CHAD: variants seen among roughly 807,000 people sequenced by gnomAD.
CHAD encodes cartilage leucine-rich protein.
In CHAD, 18 loss-of-function variants were observed where a neutral mutation model predicts 24.0. The observed-to-expected ratio is 0.75, with a 90% CI of 0.52 to 1.11. The LOEUF is 1.11. Ranked by LOEUF, CHAD falls within the 50% of genes most tolerant of loss-of-function variation. The probability of loss-of-function intolerance (pLI) is 0.00; values close to 1 mark genes in which losing one functional copy is unlikely to be tolerated. For missense variants in CHAD, 440 were observed against 467.2 expected (o/e 0.94, Z 0.54); for synonymous variants, 195 against 211.6 (o/e 0.92, Z 0.68).
rs1240216270 is a variant in CHAD, at chr17:50,465,980, T to C, written c.775-110A>G. On this transcript the variant is annotated intron_variant, in intron 1 of 3. Coordinates refer to ENST00000508540, the MANE Select transcript of CHAD (RefSeq NM_001267.3). Reference sequence around the variant, plus strand: ...TTCCCTGAACCTGAGCCATAGCACTTTGAGGAGTTTCCCAGTTTTCAAAGC... The same window carrying C: ...TTCCCTGAACCTGAGCCATAGCACTCTGAGGAGTTTCCCAGTTTTCAAAGC... 3 of 1,219,592 alleles carry C rather than the reference T, an allele frequency of 2.5e-6. No homozygotes were observed. The East Asian group carries it at 7.0e-5, about 29-fold the overall frequency. 75.5% of individuals were successfully genotyped at this position (1,219,592 alleles called of 1,614,324 possible). A position where few individuals can be genotyped will look rare whatever the true frequency, so the allele number is the denominator to read the frequency against.
chr17:50,465,302 TGGC>T lies in CHAD; in HGVS notation c.1073_1075del (p.Arg358del). On this transcript the variant is annotated inframe_deletion, in exon 3 of 4. Transcript: ENST00000508540. ...GTTTACCTGGCCCCCACCTGTTTAA[TGGC>T]GGCCAGCTTTCTTGGACCTCTTGGT... 6.2e-7 allele frequency: 1 copy of T among 1,613,962 alleles called. No individual in the cohort carries two copies. Among genetic ancestry groups the T allele is most frequent in the Admixed American group, 1.7e-5 (1 of 59,998 alleles).
chr17:50,465,934 A>T, intron 1 of CHAD, 64 bp from the exon 2 acceptor site: 3 of 1,586,704 alleles, frequency 1.9e-6, no homozygotes, highest in Non-Finnish European at 2.6e-6. Context: ...TAAGCACCCG[A>T]GTGCCAGAGG....
Position 50,468,056 on chromosome 17 carries a change from T to G in CHAD, c.758A>C (p.Asn253Thr), listed in dbSNP as rs917798730. The change falls in exon 1 of 4, where the codon AAC (asparagine) becomes ACC (threonine). Residue 253 changes from asparagine to threonine, a missense_variant. Coordinates refer to ENST00000508540, the MANE Select transcript of CHAD (RefSeq NM_001267.3). ...GGAGCTCACCTTCTCCAGGTTGGTG[T>G]TGTCCAGCCAGAGGGTCTCCAGGTA... is the stretch of plus-strand genomic sequence containing the variant. ...GRYLETLWLD[N>T]TNLEKFSDGA... 2 of 1,595,622 alleles carry G rather than the reference T, an allele frequency of 1.3e-6. No individual in the cohort carries two copies. The highest frequency in any genetic ancestry group is 1.3e-5 in the African/African-American group (1 of 74,740).
At chr17:50,466,134 T>C (rs1278375606) in intron 1 of CHAD, among the ~76,000 whole-genome samples, 2 of 148,738 alleles carry the variant, frequency 1.3e-5, no homozygotes, top group African/African-American at 5.0e-5. Flanking sequence ...TTGCCCAGGC[T>C]GGAGCACAGT....
chr17:50,468,798 G>A lies in CHAD; in HGVS notation c.16C>T (p.Leu6Phe). ...GCCAGGAGGCCGAGGCTGAGCAAGAGCATTGGGCGGACCATGGCTGGGACG... is the reference window on the plus strand; with the variant it reads ...GCCAGGAGGCCGAGGCTGAGCAAGAACATTGGGCGGACCATGGCTGGGACG... MVRPMLLLSLGLLAGL... is the reference protein window; with the variant it reads MVRPMFLLSLGLLAGL... The change falls in exon 1 of 4, where the codon CTC becomes TTC. Residue 6 changes from leucine (L) to phenylalanine (F), a missense_variant. Leu to Phe is a conservative substitution (Grantham distance 22). Transcript: ENST00000508540. The A allele has an allele frequency of 1.3e-6, 2 of 1,549,390 alleles. No homozygotes were observed. The highest frequency in any genetic ancestry group is 1.7e-6 in the Non-Finnish European group (2 of 1,153,066).
intron 1 of CHAD, 78 bp downstream of exon 1, chr17:50,467,962 G>A: frequency 1.4e-6 from 2 of 1,446,124 alleles, no homozygotes; most frequent in Non-Finnish European, 1.9e-6. Flanking sequence ...GGGGGATGGT[G>A]CCAGCTGTGG....
rs778584517 is a variant in CHAD, at chr17:50,468,027, G to A, written c.774+13C>T. The A allele has an allele frequency of 6.4e-7, 1 of 1,568,212 alleles. No homozygotes were observed. The highest frequency in any genetic ancestry group is 2.3e-5 in the East Asian group (1 of 44,230). ...AGAAGGAACCAGGGCAGAGCCCACA[G>A]CCAGGAGCTCACCTTCTCCAGGTTG... On this transcript the variant is annotated intron_variant, in intron 1 of 3. Coordinates refer to ENST00000508540, the MANE Select transcript of CHAD (RefSeq NM_001267.3).
In CHAD at chr17:50,468,266, A is replaced by G; in HGVS notation, c.548T>C (p.Leu183Ser). Residue 183 changes from leucine (L) to serine (S), a missense_variant, in exon 1 of 4, where the codon TTG becomes TCG. Physicochemically the swap from Leu to Ser is moderately radical, Grantham distance 145. Transcript: ENST00000508540. The stretch of plus-strand genomic sequence containing the variant: ...CAGGGCCCCGGGCTGCAGGGAGCTC[A>G]ACGCGTTTTCCGACAGGTAGAGCCA... ...LRWLYLSENALSSLQPGALDD... is the reference protein window; with the variant it reads ...LRWLYLSENASSSLQPGALDD... 2 of 1,611,352 alleles carry G rather than the reference A, an allele frequency of 1.2e-6. No individual in the cohort carries two copies. Among genetic ancestry groups the G allele is most frequent in the Non-Finnish European group, 8.5e-7 (1 of 1,177,742 alleles).
chr17:50,468,810 C>T lies in CHAD; in HGVS notation c.4G>A (p.Val2Ile). ...AGGCTGAGCAAGAGCATTGGGCGGA[C>T]CATGGCTGGGACGCCTGGGGCCGGG... MVRPMLLLSLGL... is the reference protein window; with the variant it reads MIRPMLLLSLGL... Residue 2 changes from valine (V) to isoleucine (I), a missense_variant, in exon 1 of 4, where the codon GTC (valine) becomes ATC (isoleucine). Val to Ile is a conservative substitution (Grantham distance 29). Transcript: ENST00000508540. 1 of 1,531,516 alleles carries T rather than the reference C, an allele frequency of 6.5e-7. No homozygotes were observed. The highest frequency in any genetic ancestry group is 8.7e-7 in the Non-Finnish European group (1 of 1,143,730). 94.9% of individuals were successfully genotyped at this position (1,531,516 alleles called of 1,614,324 possible).
In CHAD at chr17:50,468,691, C is replaced by T; in HGVS notation, c.123G>A (p.Val41=). 2 of 1,613,738 alleles carry T rather than the reference C, an allele frequency of 1.2e-6. No homozygotes were observed. Among genetic ancestry groups the T allele is most frequent in the Non-Finnish European group, 1.7e-6 (2 of 1,180,034 alleles). The change falls in exon 1 of 4, where the codon GTG becomes GTA. Residue 41 remains valine, a synonymous_variant. Transcript: ENST00000508540. ...ACACCTTGGGGATCTTCTGCAGCCC[C>T]ACCTTGTCGCAGATGACGTGCTGCA... ...SDLQHVICDK[V]GLQKIPKVSE...
Position 50,468,398 on chromosome 17 carries a change from G to A in CHAD, c.416C>T (p.Pro139Leu). Residue 139 changes from proline to leucine, a missense_variant, in exon 1 of 4, where the codon CCC (proline) becomes CTC (leucine). Pro to Leu is a moderately conservative substitution (Grantham distance 98). Transcript: ENST00000508540. Reference sequence around the variant, plus strand: ...GACCAGCGGGGAGAGCAACCCCCGGGGCAGCTCAGTGACCTTGTTGTGGTC... The same window carrying A: ...GACCAGCGGGGAGAGCAACCCCCGGAGCAGCTCAGTGACCTTGTTGTGGTC... ...YLDHNKVTELPRGLLSPLVNL... is the reference protein window; with the variant it reads ...YLDHNKVTELLRGLLSPLVNL... The A allele has an allele frequency of 6.2e-7, 1 of 1,614,202 alleles. No homozygotes were observed.
In CHAD at chr17:50,465,370, G is replaced by A. The variant is rs1448640502; in HGVS notation, c.1008C>T (p.His336=). The A allele has an allele frequency of 6.2e-7, 1 of 1,614,114 alleles. No individual in the cohort carries two copies. Among genetic ancestry groups the A allele is most frequent in the Non-Finnish European group, 8.5e-7 (1 of 1,180,036 alleles). The change falls in exon 3 of 4, where the codon CAC becomes CAT. Residue 336 remains histidine (H), a synonymous_variant. Transcript: ENST00000508540. The part of the protein sequence containing the change: ...CASPAKFKGQ[H]IRDTDAFRSC... ...TGCGGAAGGCGTCCGTGTCACGGAT[G>A]TGCTGGCCCTTGAACTTGGCAGGTG...
In CHAD at chr17:50,468,448, C is replaced by T; in HGVS notation, c.366G>A (p.Leu122=). ...RVLRAGAFDD[L]TELTYLYLDH... is the part of the protein sequence containing the mutation. Reference sequence around the variant, plus strand: ...CCAGGTAGAGGTAGGTCAGCTCGGTCAGGTCGTCGAAGGCACCTGCGCGCA... The same window carrying T: ...CCAGGTAGAGGTAGGTCAGCTCGGTTAGGTCGTCGAAGGCACCTGCGCGCA... Residue 122 remains leucine, a synonymous_variant, in exon 1 of 4, where the codon CTG becomes CTA. Transcript: ENST00000508540. 1 of 1,614,050 alleles carries T rather than the reference C, an allele frequency of 6.2e-7. No individual in the cohort carries two copies. The highest frequency in any genetic ancestry group is 8.5e-7 in the Non-Finnish European group (1 of 1,179,978).
Position 50,465,388 on chromosome 17 carries a change from G to A in CHAD, c.990C>T (p.Ala330=). Residue 330 remains alanine, a synonymous_variant, in exon 3 of 4, where the codon GCC becomes GCT. Coordinates refer to ENST00000508540, the MANE Select transcript of CHAD (RefSeq NM_001267.3). ...SRPDATCASP[A]KFKGQHIRDT... ...CACGGATGTGCTGGCCCTTGAACTTGGCAGGTGAGGCACAGGTGGCATCTG... is the reference window on the plus strand; with the variant it reads ...CACGGATGTGCTGGCCCTTGAACTTAGCAGGTGAGGCACAGGTGGCATCTG... The A allele has an allele frequency of 6.2e-7, 1 of 1,614,032 alleles. No individual in the cohort carries two copies. Among genetic ancestry groups the A allele is most frequent in the Non-Finnish European group, 8.5e-7 (1 of 1,180,024 alleles).
In CHAD at chr17:50,465,402, A is replaced by T; in HGVS notation, c.976T>A (p.Cys326Ser). ...CCCTTGAACTTGGCAGGTGAGGCAC[A>T]GGTGGCATCTGGGCGGGAGGCCTTG... is the stretch of plus-strand genomic sequence containing the variant. ...EAKASRPDAT[C>S]ASPAKFKGQH... The change falls in exon 3 of 4, where the codon TGT becomes AGT. Residue 326 changes from cysteine to serine, a missense_variant. Cys to Ser is a moderately radical substitution (Grantham distance 112, BLOSUM62 -1). Transcript: ENST00000508540. 6.2e-7 allele frequency: 1 copy of T among 1,614,058 alleles called. No homozygotes were observed. Among genetic ancestry groups the T allele is most frequent in the South Asian group, 1.1e-5 (1 of 91,060 alleles).
At position 50,465,710 on chromosome 17, in the gene CHAD, C is replaced by T. The variant is rs35218093; in HGVS notation, c.935G>A (p.Arg312Gln). 8 of 1,612,990 alleles carry T rather than the reference C, an allele frequency of 5.0e-6. No homozygotes were observed. In the East Asian group the frequency reaches 8.9e-5, roughly 18 times the overall value. ...AGTGACATGGAAGTGTTCTTACCGC[C>T]GAAGGCCCCGGAGCTGGCAGGTACA... ...WKCTCQLRGL[R>Q]RWLEAKASRP... is the part of the protein sequence containing the mutation. The change falls in exon 2 of 4, where the codon CGG becomes CAG. Residue 312 changes from arginine (R) to glutamine (Q), a missense_variant. Transcript: ENST00000508540.
At chr17:50,465,941 G>A in intron 1 of CHAD, 71 bp from the exon 2 acceptor site, 1 of 1,566,830 alleles carries the variant, frequency 6.4e-7, no homozygotes, top group Non-Finnish European at 8.7e-7. Context: ...CCGAGTGCCA[G>A]AGGGGCAGGA....
Position 50,464,994 on chromosome 17 carries a change from A to C in CHAD, c.*60T>G. The C allele has an allele frequency of 2.4e-6, 1 of 418,586 alleles. No homozygotes were observed. The highest frequency in any genetic ancestry group is 4.4e-6 in the Non-Finnish European group (1 of 225,130). The allele number at this position is 418,586 out of a possible 1,614,324, so 25.9% of individuals were successfully genotyped here. On this transcript the variant is annotated 3_prime_UTR_variant, in exon 4 of 4. Transcript: ENST00000508540. ...AGGTATGGGTGGAGGTGAGAAGGTC[A>C]GTAGTCTCTCCGGTGGAAGGCAGAG...
rs144030994 is a variant in CHAD at position 50,465,353 on chromosome 17, G to T, written c.1025C>A (p.Ala342Asp). The change falls in exon 3 of 4, where the codon GCC (alanine) becomes GAC (aspartate). Residue 342 changes from alanine to aspartate, a missense_variant. Coordinates refer to ENST00000508540, the MANE Select transcript of CHAD (RefSeq NM_001267.3). ...FKGQHIRDTD[A>D]FRSCKFPTKR... ...GGTGGGGAACTTGCAGCTGCGGAAG[G>T]CGTCCGTGTCACGGATGTGCTGGCC... The T allele has an allele frequency of 4.8e-3, 7,772 of 1,614,094 alleles. 27 individuals carry two copies. Among genetic ancestry groups the T allele is most frequent in the Non-Finnish European group, 5.7e-3 (6,713 of 1,180,014 alleles).
Sources: gnomAD v4.1 joint callset for allele counts (sites outside exome capture counted in the v4.1 genomes callset) on GRCh38, gnomAD v4.1.1 for gene constraint, MANE v1.5 for transcripts, NCBI Gene and HGNC (gene_info 2026-07-23, HGNC 2026-07-21) for gene names.